Variants in LYPLA1 observed in about 807,000 individuals in gnomAD.
LYPLA1 encodes the protein lysophospholipase 1, also known as acyl-protein thioesterase 1.
A neutral mutation model predicts 34.0 loss-of-function variants in LYPLA1; 17 were observed. The observed-to-expected ratio is 0.50, with a 90% CI of 0.34 to 0.75. The LOEUF (loss-of-function observed/expected upper bound fraction) is 0.75, where lower values mean the gene tolerates loss of function less well. Among genes scored for constraint, LYPLA1 ranks in the 30% least tolerant of loss-of-function variants. The pLI, the probability that LYPLA1 is intolerant of heterozygous loss-of-function variation, is 0.01. For missense variants in LYPLA1, 203 were observed against 288.8 expected, an observed-to-expected ratio of 0.70 and a Z score of 2.15; for synonymous variants, 98 against 100.8, an observed-to-expected ratio of 0.97 and a Z score of 0.17.
chr8:54,077,131 C>CAT (rs1807969708), intron 2 of LYPLA1, among the ~76,000 whole-genome samples: 1 of 151,988 alleles, frequency 6.6e-6, no homozygotes, highest in African/African-American at 2.4e-5. Flanking sequence ...AAATATCGTA[C>CAT]ATATACACCA....
At chr8:54,045,007 C>T (rs1805444621), downstream of LYPLA1, 1 of 152,094 alleles carries the variant, frequency 6.6e-6, no homozygotes. Flanking sequence ...TTAAATTACC[C>T]CACTGGGGCA....
In LYPLA1 at chr8:54,057,766, T is replaced by G. The variant is rs1806317804; in HGVS notation, c.287-2633A>C. On this transcript the variant is annotated intron_variant, in intron 5 of 8. Coordinates refer to ENST00000316963, the MANE Select transcript of LYPLA1 (RefSeq NM_006330.4). ...AGTACAATAGGGTGACTATAGTCAATAGTAACTTAGTGTACATTTTAAAAT... is the reference window on the plus strand; with the variant it reads ...AGTACAATAGGGTGACTATAGTCAAGAGTAACTTAGTGTACATTTTAAAAT... Among the ~76,000 whole-genome samples the G allele has an allele frequency of 2.0e-5, 3 of 152,266 alleles. 1 individual carries two copies. In the South Asian group the frequency reaches 6.2e-4, roughly 32 times the overall value.
At position 54,086,954 on chromosome 8, in the gene LYPLA1, G is replaced by A. The variant is rs144018813; in HGVS notation, c.101+13954C>T. Among the ~76,000 whole-genome samples, 107 of 152,252 alleles carry A rather than the reference G, an allele frequency of 7.0e-4. 1 individual carries two copies. The East Asian group carries it at 0.018, about 26-fold the overall frequency. Reference sequence around the variant, plus strand: ...AATTAGGATTATACACCATGACCAGGAGAGATCTTCCCTAGAATGCAAGGA... The same window carrying A: ...AATTAGGATTATACACCATGACCAGAAGAGATCTTCCCTAGAATGCAAGGA... On this transcript the variant is annotated intron_variant, in intron 2 of 8. Coordinates refer to ENST00000316963, the MANE Select transcript of LYPLA1 (RefSeq NM_006330.4).
chr8:54,084,867 T>C (rs537011488), intron 2 of LYPLA1, among the ~76,000 whole-genome samples: 40 of 152,252 alleles, frequency 2.6e-4, no homozygotes, highest in African/African-American at 8.4e-4. Context: ...TACAGGCCTG[T>C]AACAAGGAAT....
chr8:54,057,859 A>G (rs1806324721), intron 5 of LYPLA1, among the ~76,000 whole-genome samples: 1 of 152,210 alleles, frequency 6.6e-6, no homozygotes, highest in Non-Finnish European at 1.5e-5. Context: ...TGGACACCCC[A>G]TTCTCCATGA....
intron 8 of LYPLA1, among the ~76,000 whole-genome samples, chr8:54,050,467 T>C (rs1805771753): frequency 6.6e-6 from 1 of 152,206 alleles, no homozygotes; most frequent in African/African-American, 2.4e-5. Flanking sequence ...ACAAAGAGTC[T>C]CTGTTCCCTA....
At chr8:54,080,249 G>A (rs1308322452) in intron 2 of LYPLA1, among the ~76,000 whole-genome samples, 2 of 152,062 alleles carry the variant, frequency 1.3e-5, no homozygotes, top group Admixed American at 6.5e-5. Flanking sequence ...GTGGTGGCAC[G>A]TACCTGTAGT....
intron 2 of LYPLA1, among the ~76,000 whole-genome samples, chr8:54,079,341 G>A (rs1036644258): frequency 2.6e-5 from 4 of 152,026 alleles, no homozygotes; most frequent in African/African-American, 7.2e-5. Flanking sequence ...AGTTAGCTTT[G>A]CAAATAGATT....
downstream of LYPLA1, chr8:54,043,319 C>T (rs1173410543): frequency 6.6e-6 from 1 of 152,244 alleles, no homozygotes; most frequent in Non-Finnish European, 1.5e-5. Context: ...CTCCGTTGCC[C>T]AGGCTGGAGT....
intron 5 of LYPLA1, among the ~76,000 whole-genome samples, chr8:54,055,642 A>AT (rs1348407203): frequency 2.1e-5 from 3 of 144,476 alleles, no homozygotes; most frequent in African/African-American, 8.6e-5. Context: ...AACAATCCTA[A>AT]TTATTTTTTT....
chr8:54,080,010 A>G (rs1267951651), intron 2 of LYPLA1, among the ~76,000 whole-genome samples: 2 of 152,186 alleles, frequency 1.3e-5, no homozygotes, highest in African/African-American at 2.4e-5. Flanking sequence ...GGATAACTAA[A>G]TAAGTTTTAA....
chr8:54,096,552 C>T (rs1229216637), intron 2 of LYPLA1, among the ~76,000 whole-genome samples: 3 of 152,086 alleles, frequency 2.0e-5, no homozygotes, highest in Admixed American at 6.6e-5. Flanking sequence ...GCCTGACCAA[C>T]ATGGTGAAAC....
intron 8 of LYPLA1, 141 bp from the exon 9 acceptor site, chr8:54,048,259 A>G (rs1203523068): frequency 1.7e-6 from 1 of 599,944 alleles, no homozygotes; most frequent in Non-Finnish European, 3.0e-6. Flanking sequence ...GACAAAAGAG[A>G]AATGAGGCTC....
intron 2 of LYPLA1, among the ~76,000 whole-genome samples, chr8:54,088,026 G>T (rs1257432385): frequency 6.6e-6 from 1 of 152,148 alleles, no homozygotes; most frequent in Admixed American, 6.6e-5. Context: ...AAGAGGCAAA[G>T]GTAGAGGAGA....
downstream of LYPLA1, among the ~76,000 whole-genome samples, chr8:54,046,150 A>C (rs976981921): frequency 6.6e-6 from 1 of 152,214 alleles, no homozygotes; most frequent in African/African-American, 2.4e-5. Context: ...ATAGGTAGAA[A>C]CATTGAAAAC....
intron 5 of LYPLA1, among the ~76,000 whole-genome samples, chr8:54,062,001 G>A (rs972199433): frequency 6.6e-6 from 1 of 151,936 alleles, no homozygotes; most frequent in African/African-American, 2.4e-5. Context: ...GATTACAGGC[G>A]CCCACCACCA....
chr8:54,075,462 G>A (rs6473908), intron 2 of LYPLA1, among the ~76,000 whole-genome samples: 19,803 of 152,162 alleles, frequency 0.13, 3,421 homozygotes, highest in African/African-American at 0.4. Context: ...CGAGACGGAC[G>A]CTGAGGAGGA....
chr8:54,088,449 TAAC>T (rs1461638122), intron 2 of LYPLA1, among the ~76,000 whole-genome samples: 1 of 152,072 alleles, frequency 6.6e-6, no homozygotes, highest in African/African-American at 2.4e-5. Flanking sequence ...AAAAAGACAA[TAAC>T]AAGTGTTAAC....
At chr8:54,049,171 C>T (rs539012584) in intron 8 of LYPLA1, among the ~76,000 whole-genome samples, 4 of 152,304 alleles carry the variant, frequency 2.6e-5, no homozygotes, top group East Asian at 1.9e-4. Flanking sequence ...CCTCTTTCTC[C>T]GTCCCTAAAT....
Sources: allele counts gnomAD v4.1 joint callset (sites outside exome capture counted in the v4.1 genomes callset), GRCh38; gene constraint gnomAD v4.1.1; transcripts MANE v1.5; gene names NCBI Gene and HGNC (gene_info 2026-07-23, HGNC 2026-07-21).